CABIN1: variants seen among roughly 807,000 people sequenced by gnomAD.
The protein encoded by CABIN1 is calcineurin-binding protein cabin-1.
Under a neutral mutation model 227.7 loss-of-function variants are expected in CABIN1, and 133 were observed. The ratio of observed to expected loss-of-function variants is 0.58; its 90% CI spans 0.51 to 0.67. CABIN1 has a LOEUF of 0.67. Among genes scored for constraint, CABIN1 ranks in the 30% least tolerant of loss-of-function variants. The pLI is 0.00. For synonymous variants in CABIN1, 1,086 were observed against 1,155.1 expected (o/e 0.94, Z 1.21); for missense variants, 2,408 against 2,852.5 (o/e 0.84, Z 3.55).
chr22:24,178,416 T>C lies in CABIN1; in HGVS notation c.*220T>C, dbSNP rs1317208365. 1.2e-5 allele frequency: 7 copies of C among 590,042 alleles called. No homozygotes were observed. The highest frequency in any genetic ancestry group is 3.7e-5 in the African/African-American group (2 of 53,566). The allele number at this position is 590,042 out of a possible 1,614,324, so 36.6% of individuals were successfully genotyped here. A position where few individuals can be genotyped will look rare whatever the true frequency, so the allele number is the denominator to read the frequency against. On this transcript the variant is annotated 3_prime_UTR_variant, in exon 37 of 37. Transcript: ENST00000263119. ...GAGGAGGAGGGGCCCGCCTTAGCCA[T>C]GTGAAGGTGGATTGGTCGCCATCTG...
chr22:24,171,531 G>A (rs2046811700), intron 33 of CABIN1, among the ~76,000 whole-genome samples, 182 bp from the exon 34 acceptor site: 1 of 152,200 alleles, frequency 6.6e-6, no homozygotes, highest in African/African-American at 2.4e-5. Flanking sequence ...ATCCTGATGG[G>A]GTGCCTCTCT....
At chr22:24,165,000 C>T (rs986878835) in intron 30 of CABIN1, among the ~76,000 whole-genome samples, 4 of 152,202 alleles carry the variant, frequency 2.6e-5, no homozygotes, top group Non-Finnish European at 5.9e-5. Flanking sequence ...CCAGAAAGGG[C>T]AGGACAGATA....
intron 23 of CABIN1, 35 bp from the exon 24 acceptor site, chr22:24,091,548 C>T (rs1396007116): frequency 3.1e-6 from 5 of 1,613,748 alleles, no homozygotes; most frequent in African/African-American, 2.7e-5. Context: ...CAGGTTCAGG[C>T]GTAAGGCCAG....
At chr22:24,066,074 A>C (rs1412357878) in intron 15 of CABIN1, among the ~76,000 whole-genome samples, 1 of 152,180 alleles carries the variant, frequency 6.6e-6, no homozygotes, top group Non-Finnish European at 1.5e-5. Flanking sequence ...AAGGTTTTAA[A>C]TGGTATTTTT....
chr22:24,074,229 CA>C (rs1203240655), intron 18 of CABIN1, among the ~76,000 whole-genome samples: 2 of 151,422 alleles, frequency 1.3e-5, no homozygotes, highest in Non-Finnish European at 2.9e-5. Flanking sequence ...ATTATGCAAA[CA>C]AAAATTAGTT....
At chr22:24,098,564 A>T (rs1226694928) in intron 26 of CABIN1, among the ~76,000 whole-genome samples, 2 of 152,110 alleles carry the variant, frequency 1.3e-5, no homozygotes, top group Non-Finnish European at 2.9e-5. Flanking sequence ...CAGCTTAGTG[A>T]TGCCTGCATT....
In CABIN1 at chr22:24,047,659, G is replaced by T. The variant is rs116026032; in HGVS notation, c.527-1432G>T. On this transcript the variant is annotated intron_variant, in intron 6 of 36. Coordinates refer to ENST00000263119, the MANE Select transcript of CABIN1 (RefSeq NM_012295.4). ...GTGGCCCTGCTGAGCATTGTGGCCA[G>T]TCTCTGCTCTCTCCTCCCAAGCACA... Among the ~76,000 whole-genome samples, 338 of 152,390 alleles carry T rather than the reference G, an allele frequency of 2.2e-3. No homozygotes were observed. The Middle Eastern group carries it at 0.024, about 11-fold the overall frequency.
At chr22:24,063,933 C>A in intron 14 of CABIN1, 102 bp from the exon 15 acceptor site, 2 of 1,477,958 alleles carry the variant, frequency 1.4e-6, no homozygotes, top group Non-Finnish European at 1.9e-6. Context: ...AAAACCCACC[C>A]TCATGGCCTC....
intron 1 of CABIN1, among the ~76,000 whole-genome samples, chr22:24,016,023 A>G (rs1310715229): frequency 6.6e-6 from 1 of 152,198 alleles, no homozygotes. Context: ...CAATTGACCG[A>G]TTTAAGTATA....
In CABIN1 at chr22:24,017,927, A is replaced by T. The variant is rs565533261; in HGVS notation, c.-75+6560A>T. On this transcript the variant is annotated intron_variant, in intron 1 of 36. Coordinates refer to ENST00000263119, the MANE Select transcript of CABIN1 (RefSeq NM_012295.4). ...GCTCTTGTCACCCAGGCTGGAATGC[A>T]ATGGCGTGATCACAGCTCACTGTAG... 2.0e-5 allele frequency among the ~76,000 whole-genome samples: 3 copies of T among 152,274 alleles called. No homozygotes were observed. The South Asian group carries it at 6.2e-4, about 32-fold the overall frequency.
At chr22:24,155,740 C>T in intron 29 of CABIN1, 1 of 355,898 alleles carries the variant, frequency 2.8e-6, no homozygotes, top group South Asian at 8.6e-5. Flanking sequence ...AACCCTCACA[C>T]ACAGTTGGCC....
chr22:24,080,882 T>C (rs2040761878), intron 19 of CABIN1, among the ~76,000 whole-genome samples: 1 of 152,170 alleles, frequency 6.6e-6, no homozygotes, highest in South Asian at 2.1e-4. Flanking sequence ...GAATAACTAT[T>C]TTTTCCTTCC....
intron 8 of CABIN1, among the ~76,000 whole-genome samples, chr22:24,051,221 A>T (rs1005314781): frequency 1.3e-5 from 2 of 152,100 alleles, no homozygotes; most frequent in Non-Finnish European, 2.9e-5. Context: ...GACCCCAGCC[A>T]CCTGCCACAT....
At chr22:24,169,949 C>T (rs561479582) in intron 33 of CABIN1, among the ~76,000 whole-genome samples, 4 of 152,308 alleles carry the variant, frequency 2.6e-5, no homozygotes, top group African/African-American at 4.8e-5. Flanking sequence ...TCAGAGACCT[C>T]GGAAGACACA....
chr22:24,178,094 G>A lies in CABIN1; in HGVS notation c.6561G>A (p.Lys2187=). The part of the protein sequence containing the change: ...LSAQSAANVR[K]ESLCQPALEV... ...CCCAGTCTGCTGCCAACGTGAGGAA[G>A]GAGAGCCTATGCCAGCCAGCCCTGG... The change falls in exon 37 of 37, where the codon AAG becomes AAA. Residue 2187 remains lysine (K), a synonymous_variant. Transcript: ENST00000263119. 1.2e-6 allele frequency: 2 copies of A among 1,613,844 alleles called. No individual in the cohort carries two copies. The highest frequency in any genetic ancestry group is 1.7e-6 in the Non-Finnish European group (2 of 1,179,976).
At chr22:24,101,928 C>G (rs1279689293) in intron 26 of CABIN1, among the ~76,000 whole-genome samples, 1 of 152,148 alleles carries the variant, frequency 6.6e-6, no homozygotes, top group African/African-American at 2.4e-5. Context: ...TGTGTGCTTG[C>G]TCTGTGCTGG....
chr22:24,102,675 G>A (rs999426675), intron 26 of CABIN1, among the ~76,000 whole-genome samples: 1 of 152,178 alleles, frequency 6.6e-6, no homozygotes, highest in Non-Finnish European at 1.5e-5. Context: ...AAGATCCGAG[G>A]GGTGTGTCGG....
intron 26 of CABIN1, chr22:24,101,769 G>A (rs2042213986): frequency 6.6e-6 from 1 of 152,200 alleles, no homozygotes; most frequent in African/African-American, 2.4e-5. Flanking sequence ...GACCTTCAGG[G>A]GGTTCCCAGT....
chr22:24,134,369 C>T lies in CABIN1; in HGVS notation c.4700C>T (p.Pro1567Leu), dbSNP rs1458013548. The change falls in exon 29 of 37, where the codon CCG becomes CTG. Residue 1567 changes from proline to leucine, a missense_variant. Physicochemically the swap from Pro to Leu is moderately conservative, Grantham distance 98. Transcript: ENST00000263119. ...SIPWQQLQHM[P>L]AQGLFCERNK... ...CCGTGGCAACAACTGCAGCACATGC[C>T]GGCACAGGGGCTCTTCTGCGAGAGG... 10 of 1,614,154 alleles carry T rather than the reference C, an allele frequency of 6.2e-6. No individual in the cohort carries two copies. The highest frequency in any genetic ancestry group is 1.1e-5 in the South Asian group (1 of 91,082).
Sources: gnomAD v4.1 joint callset for allele counts (sites outside exome capture counted in the v4.1 genomes callset) on GRCh38, gnomAD v4.1.1 for gene constraint, MANE v1.5 for transcripts, NCBI Gene and HGNC (gene_info 2026-07-23, HGNC 2026-07-21) for gene names.